The following LHFPL3 variants were observed in gnomAD, a reference collection of about 807,000 sequenced individuals.
LHFPL3 encodes the protein LHFPL tetraspan subfamily member 3.
Under a neutral mutation model 19.3 loss-of-function variants are expected in LHFPL3, and 5 were observed. The ratio of observed to expected loss-of-function variants is 0.26; its 90% CI spans 0.14 to 0.54. LHFPL3 has a LOEUF of 0.54. LHFPL3 is among the 20% of genes least tolerant of loss of function. The pLI is 0.94. For missense variants in LHFPL3, 249 were observed against 307.4 expected (o/e 0.81, Z 1.42); for synonymous variants, 133 against 126.2 (o/e 1.05, Z -0.36).
chr7:104,756,638 T>A (rs1210046173), intron 2 of LHFPL3, among the ~76,000 whole-genome samples: 2 of 152,110 alleles, frequency 1.3e-5, no homozygotes, highest in African/African-American at 4.8e-5. Flanking sequence ...AAGATGGGAT[T>A]ACAGGCATGC....
At chr7:104,820,426 A>T (rs1790653883) in intron 2 of LHFPL3, among the ~76,000 whole-genome samples, 1 of 152,200 alleles carries the variant, frequency 6.6e-6, no homozygotes, top group South Asian at 2.1e-4. Context: ...TTCATAAGCC[A>T]ACCATGCCTT....
At chr7:104,608,483 C>T (rs1328997321) in intron 1 of LHFPL3, among the ~76,000 whole-genome samples, 1 of 119,264 alleles carries the variant, frequency 8.4e-6, no homozygotes, top group Non-Finnish European at 1.6e-5. Context: ...ACATCACACT[C>T]CGGGGACTGT....
chr7:104,906,387 G>C lies in LHFPL3; in HGVS notation c.*172G>C. On this transcript the variant is annotated 3_prime_UTR_variant, in exon 3 of 3. Transcript: ENST00000424859. ...CTTGTCAACGCACTTTCTAAATCTA[G>C]ATCAGCAGAGATGGGAGTGATTTTC... 1 of 706,620 alleles carries C rather than the reference G, an allele frequency of 1.4e-6. No individual in the cohort carries two copies. Among genetic ancestry groups the C allele is most frequent in the South Asian group, 2.2e-5 (1 of 44,570 alleles). 43.8% of individuals were successfully genotyped at this position (706,620 alleles called of 1,614,324 possible).
chr7:104,594,794 C>T (rs1790806578), intron 1 of LHFPL3, among the ~76,000 whole-genome samples: 2 of 152,148 alleles, frequency 1.3e-5, no homozygotes, highest in Admixed American at 6.5e-5. Flanking sequence ...ATTTGATCTT[C>T]AGTCACTGAT....
At chr7:104,633,367 C>G (rs1445022842) in intron 1 of LHFPL3, among the ~76,000 whole-genome samples, 1 of 152,154 alleles carries the variant, frequency 6.6e-6, no homozygotes, top group Non-Finnish European at 1.5e-5. Context: ...TTTTGTCTGA[C>G]TATTTCTACT....
intron 1 of LHFPL3, among the ~76,000 whole-genome samples, chr7:104,446,716 C>T (rs937917597): frequency 1.3e-5 from 2 of 152,104 alleles, no homozygotes; most frequent in African/African-American, 4.8e-5. Flanking sequence ...GCTGAGACTA[C>T]AGACGTGTGC....
At chr7:104,879,309 G>C (rs919178310) in intron 2 of LHFPL3, among the ~76,000 whole-genome samples, 1 of 152,142 alleles carries the variant, frequency 6.6e-6, no homozygotes, top group African/African-American at 2.4e-5. Context: ...CCAGCTCCTT[G>C]GGAGGCTAAG....
chr7:104,866,395 T>C (rs1354731156), intron 2 of LHFPL3, among the ~76,000 whole-genome samples: 1 of 151,526 alleles, frequency 6.6e-6, no homozygotes, highest in Admixed American at 6.6e-5. Flanking sequence ...ACCAAGCAAA[T>C]GGAAAACAAA....
intron 2 of LHFPL3, among the ~76,000 whole-genome samples, chr7:104,850,271 C>T (rs1320510690): frequency 6.6e-6 from 1 of 152,246 alleles, no homozygotes; most frequent in Non-Finnish European, 1.5e-5. Flanking sequence ...CATTGCACTC[C>T]AGCCTGGGCA....
chr7:104,547,391 G>A (rs1006531309), intron 1 of LHFPL3, among the ~76,000 whole-genome samples: 3 of 152,070 alleles, frequency 2.0e-5, no homozygotes, highest in African/African-American at 7.2e-5. Flanking sequence ...CACTCGAGGG[G>A]TAGAGGGTAG....
At chr7:104,623,204 T>G (rs1019536672) in intron 1 of LHFPL3, among the ~76,000 whole-genome samples, 3 of 152,208 alleles carry the variant, frequency 2.0e-5, no homozygotes, top group Admixed American at 2.0e-4. Context: ...TCCACTCATG[T>G]GTTTTTGTTT....
chr7:104,748,918 T>C (rs1794102779), intron 2 of LHFPL3, among the ~76,000 whole-genome samples: 1 of 152,358 alleles, frequency 6.6e-6, no homozygotes, highest in East Asian at 1.9e-4. Flanking sequence ...CTAAGGGATC[T>C]ATTCTATTTA....
intron 1 of LHFPL3, among the ~76,000 whole-genome samples, chr7:104,525,290 G>T (rs996333287): frequency 1.3e-5 from 2 of 152,098 alleles, no homozygotes; most frequent in African/African-American, 4.8e-5. Context: ...TGACATAATG[G>T]CATCAGGCAT....
intron 1 of LHFPL3, among the ~76,000 whole-genome samples, chr7:104,359,812 G>C (rs1362846409): frequency 1.3e-5 from 2 of 152,274 alleles, no homozygotes; most frequent in African/African-American, 4.8e-5. Flanking sequence ...GCATGCTCCA[G>C]TCGGGCTGGC....
At chr7:104,695,124 T>A (rs892385406) in intron 1 of LHFPL3, among the ~76,000 whole-genome samples, 2 of 109,034 alleles carry the variant, frequency 1.8e-5, no homozygotes, top group African/African-American at 6.7e-5. Context: ...TTTCAATTAA[T>A]TTTTTTTTTA....
chr7:104,638,105 C>G (rs2193197), intron 1 of LHFPL3, among the ~76,000 whole-genome samples: 82,036 of 151,850 alleles, frequency 0.54, 22,637 homozygotes, highest in Non-Finnish European at 0.6. Context: ...AGATGTTTCA[C>G]CCCCTGGTTA....
chr7:104,564,359 A>T (rs567820965), intron 1 of LHFPL3, among the ~76,000 whole-genome samples: 3 of 152,346 alleles, frequency 2.0e-5, no homozygotes, highest in African/African-American at 4.8e-5. Context: ...GAATTATAAA[A>T]TATGCCACTA....
intron 1 of LHFPL3, among the ~76,000 whole-genome samples, chr7:104,727,338 A>G (rs1793610714): frequency 6.6e-6 from 1 of 151,974 alleles, no homozygotes; most frequent in African/African-American, 2.4e-5. Flanking sequence ...ATTAAATTCC[A>G]TTTGTCAATT....
intron 1 of LHFPL3, among the ~76,000 whole-genome samples, chr7:104,388,611 T>G (rs1790997027): frequency 6.6e-6 from 1 of 152,120 alleles, no homozygotes; most frequent in African/African-American, 2.4e-5. Context: ...ACCAATATCT[T>G]TTTAAATATA....
Sources: allele counts gnomAD v4.1 joint callset (sites outside exome capture counted in the v4.1 genomes callset), GRCh38; gene constraint gnomAD v4.1.1; transcripts MANE v1.5; gene names NCBI Gene and HGNC (gene_info 2026-07-23, HGNC 2026-07-21).